Variants in BTK observed in about 807,000 individuals in gnomAD.
BTK encodes the protein tyrosine-protein kinase BTK.
Under a neutral mutation model 57.4 loss-of-function variants are expected in BTK, and 5 were observed. The ratio of observed to expected loss-of-function variants is 0.09; its 90% confidence interval spans 0.05 to 0.18. BTK has a LOEUF of 0.18. Among genes scored for constraint, BTK ranks in the 10% least tolerant of loss-of-function variants. The pLI, the probability that BTK is intolerant of heterozygous loss-of-function variation, is 1.00. For synonymous variants in BTK, 154 were observed against 174.3 expected, an observed-to-expected ratio of 0.88 and a Z score of 0.92; for missense variants, 194 against 501.2, an observed-to-expected ratio of 0.39 and a Z score of 5.85.
upstream of BTK, among the ~76,000 whole-genome samples, chrX:101,387,412 C>T (rs1172198698): frequency 1.1e-5 from 1 of 93,507 alleles, no homozygotes; most frequent in African/African-American, 4.2e-5. Flanking sequence ...AGTGCAGTGG[C>T]GTGATCATGG....
At position 101,353,355 on chromosome X, in the gene BTK, G is replaced by C; in HGVS notation, c.1751-4C>G. On this transcript the variant is annotated splice_region_variant and splice_polypyrimidine_tract_variant and intron_variant, in intron 17 of 18. Coordinates refer to ENST00000308731, the MANE Select transcript of BTK (RefSeq NM_000061.3). ...TAAATTTCCCACATCAAAACCCCTA[G>C]AAGGTGAAAAAAATTATTAAATTGG... The C allele has an allele frequency of 1.7e-6, 2 of 1,209,761 alleles. No individual in the cohort carries two copies. The highest frequency in any genetic ancestry group is 2.2e-6 in the Non-Finnish European group (2 of 894,019).
upstream of BTK, among the ~76,000 whole-genome samples, chrX:101,387,175 CTTT>C (rs1927636373): frequency 9.1e-6 from 1 of 109,529 alleles, no homozygotes; most frequent in Non-Finnish European, 1.9e-5. Flanking sequence ...ATTTTTTTTT[CTTT>C]ATTTTGTCTA....
chrX:101,365,612 C>T (rs1290869525), intron 5 of BTK, among the ~76,000 whole-genome samples: 1 of 112,415 alleles, frequency 8.9e-6, no homozygotes, highest in African/African-American at 3.2e-5. Flanking sequence ...TCTCCAAGCA[C>T]TTGATGGGCT....
intron 3 of BTK, chrX:101,374,299 T>C (rs957499204): frequency 2.9e-5 from 11 of 385,128 alleles, no homozygotes; most frequent in Admixed American, 4.3e-5. Flanking sequence ...GAAAACTAGA[T>C]ATAGCATCAT....
intron 5 of BTK, among the ~76,000 whole-genome samples, chrX:101,364,784 C>G (rs995082282): frequency 4.6e-5 from 5 of 109,787 alleles, no homozygotes; most frequent in Admixed American, 3.9e-4. Flanking sequence ...CTCTGTTGCC[C>G]AGGCTAGAGT....
At chrX:101,381,007 G>GAAAAAAAA (rs782713123) in intron 1 of BTK, among the ~76,000 whole-genome samples, 1 of 24,742 alleles carries the variant, frequency 4.0e-5, no homozygotes, top group Non-Finnish European at 7.9e-5. Flanking sequence ...ACTCGGTCGC[G>GAAAAAAAA]AAAAAAAAAA....
intron 4 of BTK, among the ~76,000 whole-genome samples, chrX:101,370,619 AC>A (rs1418910205): frequency 1.8e-5 from 2 of 111,757 alleles, no homozygotes; most frequent in African/African-American, 3.3e-5. Flanking sequence ...GGAACTACAA[AC>A]CTACTTCAAA....
intron 3 of BTK, 37 bp from the exon 4 acceptor site, chrX:101,371,738 G>T (rs1555980335): frequency 6.4e-6 from 7 of 1,091,609 alleles, no homozygotes; most frequent in Non-Finnish European, 8.9e-6. Context: ...ATTGGTTGAT[G>T]CATTGCTCTT....
chrX:101,386,521 G>C (rs781976655), upstream of BTK, among the ~76,000 whole-genome samples: 114 of 110,621 alleles, frequency 1.0e-3, no homozygotes, highest in Admixed American at 2.7e-3. Context: ...CAGGGAGAGG[G>C]GCTTACAGGA....
chrX:101,370,195 G>A (rs1926981893), intron 4 of BTK, 116 bp from the exon 5 acceptor site: 1 of 631,265 alleles, frequency 1.6e-6, no homozygotes, highest in Non-Finnish European at 2.6e-6. Context: ...ACAAAGAAAG[G>A]CAGAATCTTC....
At chrX:101,353,691 G>A (rs1555977412) in intron 17 of BTK, among the ~76,000 whole-genome samples, 179 bp downstream of exon 17, 7 of 112,566 alleles carry the variant, frequency 6.2e-5, no homozygotes, top group Non-Finnish European at 1.3e-4. Context: ...CAGAGATCAT[G>A]TCCAGTTTAG....
chrX:101,376,487 C>T (rs1417247952), intron 1 of BTK, among the ~76,000 whole-genome samples: 1 of 111,096 alleles, frequency 9.0e-6, no homozygotes, highest in Admixed American at 9.6e-5. Context: ...AATAGCCGGG[C>T]GTAGTGGTGG....
rs781892320 is a variant in BTK at position 101,358,652 on chromosome X, G to T, written c.939C>A (p.Gly313=). 7 of 1,210,811 alleles carry T rather than the reference G, an allele frequency of 5.8e-6. No individual in the cohort carries two copies. Among genetic ancestry groups the T allele is most frequent in the Non-Finnish European group, 7.8e-6 (7 of 894,811 alleles). The stretch of plus-strand genomic sequence containing the variant: ...TAGCAAACACAGACACTGTATATTT[G>T]CCAGCTTTGCTGGAGTCTCTGACAA... ...GFIVRDSSKA[G]KYTVSVFAKS... Residue 313 remains glycine, a synonymous_variant, in exon 11 of 19, where the codon GGC becomes GGA. Transcript: ENST00000308731.
At chrX:101,352,926 T>C in intron 18 of BTK, 1 of 272,031 alleles carries the variant, frequency 3.7e-6, no homozygotes, top group East Asian at 7.1e-5. Flanking sequence ...ATTAGCTTGG[T>C]GTGGTGGTGC....
At position 101,370,956 on chromosome X, in the gene BTK, T is replaced by G. The variant is rs142845496; in HGVS notation, c.309+677A>C. Among the ~76,000 whole-genome samples the G allele has an allele frequency of 3.6e-5, 4 of 112,418 alleles. No homozygotes were observed. The East Asian group carries it at 1.1e-3, about 31-fold the overall frequency. On this transcript the variant is annotated intron_variant, in intron 4 of 18. Transcript: ENST00000308731. ...AGTCAGGGACACGAACAAGATCCTT[T>G]TACATTTTTCTTTTTGCTTGTTAGT...
chrX:101,372,449 T>A (rs1927063382), intron 3 of BTK, among the ~76,000 whole-genome samples: 1 of 110,118 alleles, frequency 9.1e-6, no homozygotes, highest in Non-Finnish European at 1.9e-5. Context: ...AGCAATAAAA[T>A]GCTATTTTTT....
At chrX:101,385,131 G>C (rs981849340) in intron 1 of BTK, among the ~76,000 whole-genome samples, 5 of 111,636 alleles carry the variant, frequency 4.5e-5, no homozygotes, top group South Asian at 3.7e-4. Flanking sequence ...GGAAAAGAGC[G>C]GGGGAAGAAA....
At position 101,375,315 on chromosome X, in the gene BTK, C is replaced by T. The variant is rs2147448448; in HGVS notation, c.-30-1G>A. The T allele has an allele frequency of 8.3e-7, 1 of 1,210,470 alleles. No individual in the cohort carries two copies. Reference sequence around the variant, plus strand: ...CTTCTTTCTGGAGTTCACCTGTGTGCTGTTGATAATGAAAGTTCCTGAGGA... The same window carrying T: ...CTTCTTTCTGGAGTTCACCTGTGTGTTGTTGATAATGAAAGTTCCTGAGGA... On this transcript the variant is annotated splice_acceptor_variant, in intron 1 of 18. Coordinates refer to ENST00000308731, the MANE Select transcript of BTK (RefSeq NM_000061.3). LOFTEE classifies it low-confidence loss of function (5UTR_SPLICE).
At chrX:101,352,416 T>C (rs1234852836) in intron 18 of BTK, among the ~76,000 whole-genome samples, 1 of 111,074 alleles carries the variant, frequency 9.0e-6, no homozygotes, top group Non-Finnish European at 1.9e-5. Context: ...AGAATCGGAG[T>C]GGGCCTGGGA....
Sources: allele counts gnomAD v4.1 joint callset (sites outside exome capture counted in the v4.1 genomes callset), GRCh38; gene constraint gnomAD v4.1.1; transcripts MANE v1.5; gene names NCBI Gene and HGNC (gene_info 2026-07-23, HGNC 2026-07-21).